DGKB: variants seen among roughly 807,000 people sequenced by gnomAD.
DGKB encodes diacylglycerol kinase beta, also known as 90 kDa diacylglycerol kinase.
In DGKB, 67 loss-of-function variants were observed where a neutral mutation model predicts 114.3. The observed-to-expected ratio is 0.59, with a 90% confidence interval of 0.48 to 0.72. DGKB has a LOEUF of 0.72. Among genes scored for constraint, DGKB ranks in the 30% least tolerant of loss-of-function variants. DGKB has a pLI of 0.00. For missense variants in DGKB, 907 were observed against 975.2 expected (o/e 0.93, Z 0.93); for synonymous variants, 398 against 323.1 (o/e 1.23, Z -2.49).
intron 20 of DGKB, among the ~76,000 whole-genome samples, chr7:14,493,667 G>A (rs1468503718): frequency 2.0e-5 from 3 of 151,984 alleles, no homozygotes; most frequent in East Asian, 1.9e-4. Flanking sequence ...TGGGTGGGGA[G>A]GTCCAGGGAC....
chr7:14,810,728 C>A (rs1246589980), intron 2 of DGKB, among the ~76,000 whole-genome samples: 3 of 152,072 alleles, frequency 2.0e-5, no homozygotes, highest in Non-Finnish European at 2.9e-5. Flanking sequence ...TGTGTCCCAG[C>A]CTCTCAAGTA....
chr7:14,243,940 A>G (rs1411819939), intron 23 of DGKB, among the ~76,000 whole-genome samples: 1 of 152,166 alleles, frequency 6.6e-6, no homozygotes, highest in Non-Finnish European at 1.5e-5. Flanking sequence ...GAGTAAAATG[A>G]AGGAGTGGAA....
At chr7:14,750,793 CTTTTTT>C (rs1016534410) in intron 4 of DGKB, among the ~76,000 whole-genome samples, 1 of 89,530 alleles carries the variant, frequency 1.1e-5, no homozygotes, top group East Asian at 3.7e-4. Flanking sequence ...ATTTCTATTT[CTTTTTT>C]TTTTTTTTTT....
intron 21 of DGKB, among the ~76,000 whole-genome samples, chr7:14,387,196 C>T (rs187464784): frequency 3.0e-3 from 450 of 151,624 alleles, no homozygotes; most frequent in Middle Eastern, 0.01. Flanking sequence ...GGCCAAGTTG[C>T]GTGGATCACG....
chr7:14,380,619 A>G (rs1377779326), intron 21 of DGKB, among the ~76,000 whole-genome samples: 1 of 152,196 alleles, frequency 6.6e-6, no homozygotes, highest in African/African-American at 2.4e-5. Context: ...ATTCTTATTA[A>G]CTTTAAATAT....
chr7:14,768,884 A>G (rs1464152815), intron 2 of DGKB, among the ~76,000 whole-genome samples: 3 of 151,950 alleles, frequency 2.0e-5, no homozygotes, highest in Admixed American at 2.0e-4. Flanking sequence ...ATGTTCTTAC[A>G]TTGGAACATT....
intron 5 of DGKB, among the ~76,000 whole-genome samples, chr7:14,733,854 G>A (rs1831298729): frequency 6.6e-6 from 1 of 151,842 alleles, no homozygotes; most frequent in African/African-American, 2.4e-5. Flanking sequence ...AGGAAAGAAG[G>A]AAGGAAGAAA....
intron 23 of DGKB, among the ~76,000 whole-genome samples, chr7:14,290,260 C>T (rs1375060699): frequency 6.6e-6 from 1 of 152,012 alleles, no homozygotes; most frequent in Non-Finnish European, 1.5e-5. Flanking sequence ...CATTTCTTAT[C>T]CCTCTTGATG....
At chr7:14,432,577 C>T (rs1270895180) in intron 21 of DGKB, among the ~76,000 whole-genome samples, 4 of 152,246 alleles carry the variant, frequency 2.6e-5, no homozygotes, top group African/African-American at 7.2e-5. Context: ...TCTTCATGGC[C>T]TCTGGCTTGA....
intron 25 of DGKB, among the ~76,000 whole-genome samples, chr7:14,154,583 C>T (rs905480069): frequency 6.6e-5 from 10 of 151,730 alleles, no homozygotes; most frequent in Non-Finnish European, 1.3e-4. Context: ...TAAATGTTAA[C>T]TATTAGTAAT....
intron 23 of DGKB, among the ~76,000 whole-genome samples, chr7:14,255,001 G>C (rs1409622994): frequency 6.6e-6 from 1 of 152,064 alleles, no homozygotes; most frequent in African/African-American, 2.4e-5. Flanking sequence ...GAAGTTGGAG[G>C]AAGTCCCACA....
chr7:14,963,368 G>A (rs1786970846), intron 1 of DGKB, among the ~76,000 whole-genome samples: 1 of 152,086 alleles, frequency 6.6e-6, no homozygotes, highest in Admixed American at 6.6e-5. Context: ...ATCAGTTGAT[G>A]TGCACATTTG....
intron 17 of DGKB, among the ~76,000 whole-genome samples, chr7:14,602,409 G>A (rs771692277): frequency 1.5e-4 from 23 of 152,122 alleles, no homozygotes; most frequent in Non-Finnish European, 2.6e-4. Context: ...AGAATGCTAT[G>A]GTTTGAACTT....
intron 15 of DGKB, among the ~76,000 whole-genome samples, chr7:14,614,703 T>C (rs1286700224): frequency 1.3e-5 from 2 of 152,096 alleles, no homozygotes; most frequent in African/African-American, 4.8e-5. Flanking sequence ...AATCTCCACA[T>C]TACCGAAGTG....
intron 17 of DGKB, among the ~76,000 whole-genome samples, chr7:14,596,062 G>A (rs182910365): frequency 3.9e-5 from 6 of 152,008 alleles, no homozygotes; most frequent in Admixed American, 6.6e-5. Flanking sequence ...CATATTGTGA[G>A]TTTTAGGTAT....
intron 17 of DGKB, among the ~76,000 whole-genome samples, chr7:14,601,336 G>C (rs959230663): frequency 6.6e-6 from 1 of 152,076 alleles, no homozygotes; most frequent in East Asian, 1.9e-4. Context: ...CCCTGACACT[G>C]TGGGCCTGTG....
chr7:14,242,018 A>G (rs935145741), intron 23 of DGKB, among the ~76,000 whole-genome samples: 9 of 152,040 alleles, frequency 5.9e-5, no homozygotes, highest in African/African-American at 1.9e-4. Flanking sequence ...GACCTAATTT[A>G]TACATTTCAA....
intron 1 of DGKB, among the ~76,000 whole-genome samples, chr7:14,895,027 C>A (rs1587273875): frequency 6.6e-6 from 1 of 151,486 alleles, no homozygotes; most frequent in Non-Finnish European, 1.5e-5. Flanking sequence ...GACTCATCAG[C>A]TTTTTGTGCT....
In DGKB at chr7:14,759,646, A is replaced by C. The variant is rs1026423832; in HGVS notation, c.71-1915T>G. On this transcript the variant is annotated intron_variant, in intron 2 of 25. Coordinates refer to ENST00000402815, the MANE Select transcript of DGKB (RefSeq NM_001350709.2). ...TATAATGAATATACTCCATTTAATAAATCTATTTATCAGCTGATGTACATT... is the reference window on the plus strand; with the variant it reads ...TATAATGAATATACTCCATTTAATACATCTATTTATCAGCTGATGTACATT... Among the ~76,000 whole-genome samples the C allele has an allele frequency of 9.8e-5, 15 of 152,306 alleles. No homozygotes were observed. In the East Asian group the frequency reaches 2.7e-3, roughly 27 times the overall value.
Sources: gnomAD v4.1 joint callset for allele counts (sites outside exome capture counted in the v4.1 genomes callset) on GRCh38, gnomAD v4.1.1 for gene constraint, MANE v1.5 for transcripts, NCBI Gene and HGNC (gene_info 2026-07-23, HGNC 2026-07-21) for gene names.